The following DOK5 variants were observed in gnomAD, a reference collection of about 807,000 sequenced individuals.
DOK5 encodes downstream of tyrosine kinase 5.
Under a neutral mutation model 43.3 loss-of-function variants are expected in DOK5, and 27 were observed. That is an observed-to-expected ratio of 0.62 (90% confidence interval 0.46 to 0.86). The LOEUF is 0.86. Ranked by LOEUF, DOK5 falls within the 40% of genes least tolerant of loss-of-function variation. The pLI is 0.00. For synonymous variants in DOK5, 146 were observed against 140.1 expected, an observed-to-expected ratio of 1.04 and a Z score of -0.30; for missense variants, 373 against 392.9, an observed-to-expected ratio of 0.95 and a Z score of 0.43.
chr20:54,475,855 C>A lies in DOK5; in HGVS notation c.-92C>A. ...GCTTCACCTCTCCAACTTTCTCCCA[C>A]CGACTGCTTGTCTTGACCCTGCCCT... On this transcript the variant is annotated 5_prime_UTR_variant, in exon 1 of 8. Coordinates refer to ENST00000262593, the MANE Select transcript of DOK5 (RefSeq NM_018431.5). This position sits in a 1 kb window ranked among gnomAD's most constrained non-coding sequence, Gnocchi z 4.2. 1 of 1,510,080 alleles carries A rather than the reference C, an allele frequency of 6.6e-7. No homozygotes were observed. Among genetic ancestry groups the A allele is most frequent in the Non-Finnish European group, 9.1e-7 (1 of 1,102,002 alleles). The allele number at this position is 1,510,080 out of a possible 1,614,324, so 93.5% of individuals were successfully genotyped here.
At chr20:54,644,470 C>T (rs919460285) in intron 7 of DOK5, among the ~76,000 whole-genome samples, 1 of 151,734 alleles carries the variant, frequency 6.6e-6, no homozygotes, top group African/African-American at 2.4e-5. Flanking sequence ...TTTGGGAGGC[C>T]GAGGCGGGCG....
intron 6 of DOK5, among the ~76,000 whole-genome samples, chr20:54,636,209 T>C (rs1021269562): frequency 1.3e-5 from 2 of 152,254 alleles, no homozygotes; most frequent in East Asian, 3.8e-4. Flanking sequence ...TTCCTGGGCA[T>C]GGGCCAAGCT....
intron 1 of DOK5, among the ~76,000 whole-genome samples, chr20:54,494,248 G>T (rs1355348889): frequency 1.3e-5 from 2 of 152,170 alleles, no homozygotes; most frequent in African/African-American, 4.8e-5. Context: ...GGACCTTCTG[G>T]GAAGGAGCTG....
intron 1 of DOK5, chr20:54,494,747 C>T (rs1568753443): frequency 2.0e-5 from 3 of 149,962 alleles, no homozygotes; most frequent in South Asian, 2.1e-4. Flanking sequence ...CTTTGAAGCC[C>T]TTGCTGAGAG....
chr20:54,552,893 T>C (rs952561923), intron 1 of DOK5, among the ~76,000 whole-genome samples: 1 of 152,200 alleles, frequency 6.6e-6, no homozygotes, highest in Admixed American at 6.5e-5. Context: ...CAAGTAGTAG[T>C]TAACTTGAAT....
intron 1 of DOK5, among the ~76,000 whole-genome samples, chr20:54,480,790 T>C (rs1981637398): frequency 6.6e-6 from 1 of 152,104 alleles, no homozygotes; most frequent in African/African-American, 2.4e-5. Flanking sequence ...TCGTTCACTG[T>C]TTTCTCTGCT....
intron 1 of DOK5, among the ~76,000 whole-genome samples, chr20:54,543,636 T>A (rs1214834091): frequency 6.6e-6 from 1 of 150,978 alleles, no homozygotes; most frequent in Non-Finnish European, 1.5e-5. Context: ...AGGGAGAGGA[T>A]TACGTATAGC....
intron 5 of DOK5, among the ~76,000 whole-genome samples, chr20:54,605,008 AAAAAATATAT>A (rs1204368137): frequency 3.1e-5 from 4 of 131,068 alleles, no homozygotes; most frequent in Non-Finnish European, 6.2e-5. Context: ...TCTCAAAAAA[AAAAAATATAT>A]ATATATACAC....
intron 2 of DOK5, among the ~76,000 whole-genome samples, chr20:54,581,883 TTC>T (rs1985654792): frequency 6.6e-6 from 1 of 152,162 alleles, no homozygotes; most frequent in East Asian, 1.9e-4. Flanking sequence ...TGCCTTTTAC[TTC>T]TCTTTCTTGT....
intron 7 of DOK5, among the ~76,000 whole-genome samples, chr20:54,644,124 G>T (rs1000707008): frequency 1.3e-5 from 2 of 152,214 alleles, no homozygotes; most frequent in African/African-American, 4.8e-5. Flanking sequence ...CCAATGTTTT[G>T]GTGGATGGGG....
At chr20:54,604,955 T>C (rs1474794794) in intron 5 of DOK5, among the ~76,000 whole-genome samples, 1 of 149,558 alleles carries the variant, frequency 6.7e-6, no homozygotes, top group East Asian at 1.9e-4. Flanking sequence ...TGAGCCAAGA[T>C]GGTGCCACTG....
chr20:54,556,016 G>T (rs1459050980), intron 2 of DOK5, among the ~76,000 whole-genome samples: 1 of 152,148 alleles, frequency 6.6e-6, no homozygotes, highest in African/African-American at 2.4e-5. Flanking sequence ...TGACACTTTG[G>T]TTTATATGAT....
chr20:54,560,295 C>A (rs1274615265), intron 2 of DOK5, among the ~76,000 whole-genome samples: 1 of 152,096 alleles, frequency 6.6e-6, no homozygotes, highest in Non-Finnish European at 1.5e-5. Flanking sequence ...TGGAGTCATC[C>A]CCTCCTCATG....
At chr20:54,555,093 G>A in intron 2 of DOK5, 53 bp downstream of exon 2, 2 of 1,247,036 alleles carry the variant, frequency 1.6e-6, no homozygotes, top group Non-Finnish European at 2.4e-6. Context: ...GGAGGCAACT[G>A]GAATTACTGA....
chr20:54,579,940 C>G (rs1355642591), intron 2 of DOK5, among the ~76,000 whole-genome samples: 1 of 152,092 alleles, frequency 6.6e-6, no homozygotes, highest in African/African-American at 2.4e-5. Context: ...AGCCCTCCAT[C>G]CCCCGACAGG....
intron 1 of DOK5, among the ~76,000 whole-genome samples, chr20:54,541,910 T>A (rs1984174222): frequency 6.6e-6 from 1 of 152,066 alleles, no homozygotes; most frequent in Non-Finnish European, 1.5e-5. Context: ...CCCACCTCCC[T>A]CACATATCCA....
At chr20:54,533,057 C>G (rs1983834180) in intron 1 of DOK5, among the ~76,000 whole-genome samples, 2 of 152,188 alleles carry the variant, frequency 1.3e-5, no homozygotes, top group African/African-American at 4.8e-5. Flanking sequence ...TTAATTATTC[C>G]TTTTAAATCT....
At chr20:54,493,056 C>T (rs1442303982) in intron 1 of DOK5, among the ~76,000 whole-genome samples, 1 of 135,788 alleles carries the variant, frequency 7.4e-6, no homozygotes, top group African/African-American at 2.9e-5. Flanking sequence ...CTCTGTCCCC[C>T]TCCAAAAAAA....
intron 4 of DOK5, among the ~76,000 whole-genome samples, chr20:54,590,648 C>T (rs1181999599): frequency 6.6e-6 from 1 of 152,140 alleles, no homozygotes; most frequent in Non-Finnish European, 1.5e-5. Flanking sequence ...TTCATGAACA[C>T]TATCTCAGCA....
Sources: gnomAD v4.1 joint callset for allele counts (sites outside exome capture counted in the v4.1 genomes callset) on GRCh38, gnomAD v4.1.1 for gene constraint, Gnocchi (gnomAD v3.1) non-coding constraint, MANE v1.5 for transcripts, NCBI Gene and HGNC (gene_info 2026-07-23, HGNC 2026-07-21) for gene names.